The following EPB41L4A variants were observed in gnomAD, a reference collection of about 807,000 sequenced individuals.
The protein encoded by EPB41L4A is band 4.1-like protein 4A.
In EPB41L4A, 100 loss-of-function variants were observed where a neutral mutation model predicts 108.6. The observed-to-expected ratio is 0.92, with a 90% CI of 0.78 to 1.09. The LOEUF (loss-of-function observed/expected upper bound fraction) is 1.09. Ranked by LOEUF, EPB41L4A falls within the 50% of genes least tolerant of loss-of-function variation. The pLI, the probability that EPB41L4A is intolerant of heterozygous loss-of-function variation, is 0.00. For synonymous variants in EPB41L4A, 319 were observed against 289.0 expected, an observed-to-expected ratio of 1.10 and a Z score of -1.05; for missense variants, 1,030 against 842.7, an observed-to-expected ratio of 1.22 and a Z score of -2.75.
chr5:112,336,751 A>G (rs566143302), intron 1 of EPB41L4A, among the ~76,000 whole-genome samples: 82 of 152,238 alleles, frequency 5.4e-4, no homozygotes, highest in Non-Finnish European at 1.1e-3. Flanking sequence ...AGCTAGAAAG[A>G]GAAGATTTTT....
At chr5:112,377,485 C>G (rs918152855) in intron 1 of EPB41L4A, among the ~76,000 whole-genome samples, 7 of 152,152 alleles carry the variant, frequency 4.6e-5, no homozygotes, top group Admixed American at 3.3e-4. Flanking sequence ...ACAGCAAGTA[C>G]TTGGAAGTGA....
At chr5:112,222,980 C>T (rs143683715) in intron 12 of EPB41L4A, among the ~76,000 whole-genome samples, 55 of 148,366 alleles carry the variant, frequency 3.7e-4, no homozygotes, top group African/African-American at 1.3e-3. Flanking sequence ...CTGGCTCTGT[C>T]GCCCAGGCTG....
At chr5:112,241,589 A>G (rs1749790483) in intron 9 of EPB41L4A, among the ~76,000 whole-genome samples, 4 of 152,256 alleles carry the variant, frequency 2.6e-5, no homozygotes. Context: ...ATAGAGCATA[A>G]CAACTATTTA....
chr5:112,393,662 C>A (rs577412664), intron 1 of EPB41L4A, among the ~76,000 whole-genome samples: 2 of 151,966 alleles, frequency 1.3e-5, no homozygotes, highest in South Asian at 2.1e-4. Context: ...ACCAGAGGTA[C>A]AAGGAGGAGC....
At chr5:112,372,628 A>T (rs1015627883) in intron 1 of EPB41L4A, among the ~76,000 whole-genome samples, 1 of 152,206 alleles carries the variant, frequency 6.6e-6, no homozygotes, top group African/African-American at 2.4e-5. Flanking sequence ...GTGGAGGGGA[A>T]AGTGGTCCAA....
At chr5:112,354,477 A>C (rs914635236) in intron 1 of EPB41L4A, among the ~76,000 whole-genome samples, 11 of 152,234 alleles carry the variant, frequency 7.2e-5, no homozygotes, top group Non-Finnish European at 1.6e-4. Context: ...ATAGGCATAG[A>C]AAAATGAGGG....
intron 22 of EPB41L4A, among the ~76,000 whole-genome samples, chr5:112,168,173 T>G (rs1760365881): frequency 6.6e-6 from 1 of 152,252 alleles, no homozygotes; most frequent in African/African-American, 2.4e-5. Context: ...AAACTCTTCC[T>G]GAACTATGTT....
exon 13 of EPB41L4A, chr5:112,145,909 A>G (rs1424069357): frequency 2.2e-6 from 1 of 456,650 alleles, no homozygotes. Flanking sequence ...CTTCATCCAG[A>G]AGTGTATTAT....
intron 1 of EPB41L4A, among the ~76,000 whole-genome samples, chr5:112,359,427 C>T (rs1272503034): frequency 2.0e-5 from 3 of 152,170 alleles, no homozygotes; most frequent in Non-Finnish European, 2.9e-5. Context: ...CTTCCTAATG[C>T]TCCCCCTAAG....
At chr5:112,400,276 G>A (rs568740748) in intron 1 of EPB41L4A, among the ~76,000 whole-genome samples, 19 of 152,006 alleles carry the variant, frequency 1.2e-4, no homozygotes, top group East Asian at 9.7e-4. Flanking sequence ...GCGGAAAACC[G>A]CCCCCATGAT....
chr5:112,319,003 A>T (rs1755595785), intron 1 of EPB41L4A, among the ~76,000 whole-genome samples: 1 of 152,190 alleles, frequency 6.6e-6, no homozygotes, highest in African/African-American at 2.4e-5. Flanking sequence ...AGCTTGTTAT[A>T]GGAAACAGAG....
chr5:112,419,838 T>G (rs746772888), upstream of EPB41L4A: 9 of 456,552 alleles, frequency 2.0e-5, no homozygotes, highest in Non-Finnish European at 3.5e-5. Flanking sequence ...CGGGTGGCCG[T>G]GTGTAGCCAA....
intron 2 of EPB41L4A, among the ~76,000 whole-genome samples, chr5:112,289,145 G>A (rs1225336117): frequency 6.6e-6 from 1 of 152,054 alleles, no homozygotes; most frequent in Non-Finnish European, 1.5e-5. Context: ...AACAGTATAT[G>A]GTGTAGTGAT....
rs182965718 is a variant in EPB41L4A at position 112,322,605 on chromosome 5, T to C, written c.100-15115A>G. ...CCCCAGCAGACCTCAAAGGTCACTG[T>C]GCCGGTGAGCCAAACTGCTCTTGAG... On this transcript the variant is annotated intron_variant, in intron 1 of 22. Transcript: ENST00000261486. 3.2e-4 allele frequency among the ~76,000 whole-genome samples: 48 copies of C among 152,190 alleles called. No homozygotes were observed. In the East Asian group the frequency reaches 7.7e-3, roughly 25 times the overall value.
intron 2 of EPB41L4A, among the ~76,000 whole-genome samples, chr5:112,283,623 G>C (rs1753097307): frequency 6.6e-6 from 1 of 152,210 alleles, no homozygotes; most frequent in Admixed American, 6.5e-5. Context: ...CAATATTCTA[G>C]AGGTAGACTC....
At chr5:112,249,924 A>G (rs1252648924) in intron 9 of EPB41L4A, among the ~76,000 whole-genome samples, 2 of 152,204 alleles carry the variant, frequency 1.3e-5, no homozygotes, top group Non-Finnish European at 2.9e-5. Flanking sequence ...TTATTTGATC[A>G]AAGAACTTTC....
intron 18 of EPB41L4A, among the ~76,000 whole-genome samples, chr5:112,183,182 C>T (rs1761245324): frequency 6.6e-6 from 1 of 152,072 alleles, no homozygotes; most frequent in Non-Finnish European, 1.5e-5. Context: ...CTCTTGTCAC[C>T]CTCCTGCCTG....
At chr5:112,173,033 C>A (rs1371691476) in intron 18 of EPB41L4A, among the ~76,000 whole-genome samples, 1 of 152,226 alleles carries the variant, frequency 6.6e-6, no homozygotes, top group Admixed American at 6.5e-5. Context: ...ACAATGTCCC[C>A]TTGGAAGCAA....
intron 1 of EPB41L4A, among the ~76,000 whole-genome samples, chr5:112,373,567 T>C (rs1039147733): frequency 9.2e-5 from 14 of 152,388 alleles, no homozygotes; most frequent in Admixed American, 5.2e-4. Context: ...GAGCTTTCAA[T>C]GTATTAACTC....
Sources: allele counts gnomAD v4.1 joint callset (sites outside exome capture counted in the v4.1 genomes callset), GRCh38; gene constraint gnomAD v4.1.1; transcripts MANE v1.5; gene names NCBI Gene and HGNC (gene_info 2026-07-23, HGNC 2026-07-21).